OPRPN: variants seen among roughly 807,000 people sequenced by gnomAD.
OPRPN encodes opiorphin prepropeptide.
OPRPN carries 1 observed loss-of-function variant against 2.2 expected under a neutral mutation model. The observed-to-expected ratio is 0.45, with a 90% CI of 0.16 to 2.15. The LOEUF is 2.15. OPRPN is among the 30% of genes most tolerant of loss of function. OPRPN has a pLI of 0.28. For synonymous variants in OPRPN, 126 were observed against 111.5 expected (o/e 1.13, Z -0.82); for missense variants, 306 against 297.3 (o/e 1.03, Z -0.21).
chr4:70,409,251 T>C (rs1733157044), intron 2 of OPRPN, 129 bp from the exon 3 acceptor site: 3 of 683,582 alleles, frequency 4.4e-6, no homozygotes, highest in Admixed American at 7.1e-5. Flanking sequence ...GTGAAATACA[T>C]GACTTATGGC....
intron 2 of OPRPN, among the ~76,000 whole-genome samples, chr4:70,408,351 T>C (rs1733136236): frequency 6.6e-6 from 1 of 152,218 alleles, no homozygotes; most frequent in Admixed American, 6.5e-5. Context: ...TATGATATTA[T>C]CCTAATTTGG....
chr4:70,409,437 C>T lies in OPRPN; in HGVS notation c.109C>T (p.Pro37Ser), dbSNP rs777913317. The change falls in exon 3 of 3, where the codon CCT becomes TCT. Residue 37 changes from proline (P) to serine (S), a missense_variant. Coordinates refer to ENST00000399575, the MANE Select transcript of OPRPN (RefSeq NM_021225.5). ...ATATCTACCTGGCCAGCTGCCACCA[C>T]CTCCACTCTACAGGCCAAGATGGGT... is the stretch of plus-strand genomic sequence containing the variant. ...RPYLPGQLPPPPLYRPRWVPP... is the reference protein window; with the variant it reads ...RPYLPGQLPPSPLYRPRWVPP... The T allele has an allele frequency of 5.6e-6, 9 of 1,614,054 alleles. 1 individual carries two copies. Among genetic ancestry groups the T allele is most frequent in the Non-Finnish European group, 6.8e-6 (8 of 1,179,984 alleles).
intron 2 of OPRPN, among the ~76,000 whole-genome samples, chr4:70,404,510 T>C (rs1302908483): frequency 6.6e-6 from 1 of 152,114 alleles, no homozygotes; most frequent in African/African-American, 2.4e-5. Context: ...CAAAACATCA[T>C]CTAAATCTTA....
chr4:70,399,426 A>ATTTT, intron 2 of OPRPN, 90 bp downstream of exon 2: 1 of 1,102,878 alleles, frequency 9.1e-7, no homozygotes, highest in Non-Finnish European at 1.3e-6. Flanking sequence ...TTTGTCCTGT[A>ATTTT]TATAAAAATA....
intron 2 of OPRPN, among the ~76,000 whole-genome samples, chr4:70,404,766 C>G (rs1261191221): frequency 6.6e-6 from 1 of 152,192 alleles, no homozygotes. Flanking sequence ...CTACAAGACC[C>G]TGCTTTGTCC....
chr4:70,404,504 A>G (rs1301912979), intron 2 of OPRPN, among the ~76,000 whole-genome samples: 2 of 152,132 alleles, frequency 1.3e-5, no homozygotes, highest in Non-Finnish European at 2.9e-5. Context: ...TGCCTTCAAA[A>G]CATCATCTAA....
intron 2 of OPRPN, among the ~76,000 whole-genome samples, chr4:70,402,750 C>G (rs1355606499): frequency 1.3e-5 from 2 of 151,726 alleles, no homozygotes; most frequent in African/African-American, 4.8e-5. Context: ...GATTAAAGAC[C>G]TGAAGTGGGT....
chr4:70,407,356 G>A (rs1577884662), intron 2 of OPRPN, among the ~76,000 whole-genome samples: 1 of 152,236 alleles, frequency 6.6e-6, no homozygotes, highest in African/African-American at 2.4e-5. Context: ...TTATGTTTAT[G>A]TTACAAGAAT....
intron 2 of OPRPN, among the ~76,000 whole-genome samples, chr4:70,405,255 T>G (rs1280106184): frequency 1.3e-5 from 2 of 152,182 alleles, no homozygotes; most frequent in East Asian, 3.8e-4. Context: ...CATTGGCCAG[T>G]GGAGGAGGGA....
chr4:70,409,305 G>T, intron 2 of OPRPN, 75 bp from the exon 3 acceptor site: 1 of 1,146,896 alleles, frequency 8.7e-7, no homozygotes, highest in African/African-American at 1.6e-5. Context: ...TTAATACATA[G>T]TATATCCTAA....
At chr4:70,408,791 A>G (rs1733143795) in intron 2 of OPRPN, among the ~76,000 whole-genome samples, 1 of 152,198 alleles carries the variant, frequency 6.6e-6, no homozygotes, top group East Asian at 1.9e-4. Flanking sequence ...AATTTTAACC[A>G]ACATACTATA....
chr4:70,402,206 C>A (rs1235861322), intron 2 of OPRPN, among the ~76,000 whole-genome samples: 1 of 152,024 alleles, frequency 6.6e-6, no homozygotes, highest in Non-Finnish European at 1.5e-5. Context: ...GAACTGCAGA[C>A]TCTGATCCAG....
rs748377067 is a variant in OPRPN, at chr4:70,409,557, C to G, written c.229C>G (p.Arg77Gly). Residue 77 changes from arginine to glycine, a missense_variant, in exon 3 of 3, where the codon CGA becomes GGA. Transcript: ENST00000399575. ...GCGAGTTCCACCATCTTCTTTCTCT[C>G]GATTTAGCCAAGCAGTCATTCTATC... ...PGRVPPSSFS[R>G]FSQAVILSQL... 1 of 1,613,912 alleles carries G rather than the reference C, an allele frequency of 6.2e-7. No homozygotes were observed. Among genetic ancestry groups the G allele is most frequent in the Middle Eastern group, 1.7e-4 (1 of 6,060 alleles).
At chr4:70,403,180 A>G (rs1395251245) in intron 2 of OPRPN, among the ~76,000 whole-genome samples, 1 of 152,174 alleles carries the variant, frequency 6.6e-6, no homozygotes, top group Non-Finnish European at 1.5e-5. Context: ...CTCTAACTTC[A>G]AGGGGTATAT....
chr4:70,405,554 T>C (rs1733069560), intron 2 of OPRPN, among the ~76,000 whole-genome samples: 1 of 152,194 alleles, frequency 6.6e-6, no homozygotes, highest in Admixed American at 6.5e-5. Flanking sequence ...ATTACTTTCT[T>C]ACTTATTGCT....
At position 70,406,749 on chromosome 4, in the gene OPRPN, A is replaced by G. The variant is rs1733097430; in HGVS notation, c.52-2631A>G. Reference sequence around the variant, plus strand: ...AAAAGATGAGATTGGATGGCGGTATAGGCTTTTGTTTGGTTGCAAAGAACA... The same window carrying G: ...AAAAGATGAGATTGGATGGCGGTATGGGCTTTTGTTTGGTTGCAAAGAACA... On this transcript the variant is annotated intron_variant, in intron 2 of 2. Coordinates refer to ENST00000399575, the MANE Select transcript of OPRPN (RefSeq NM_021225.5). Among the ~76,000 whole-genome samples the G allele has an allele frequency of 1.3e-5, 2 of 152,136 alleles. 1 individual carries two copies. Among genetic ancestry groups the G allele is most frequent in the South Asian group, 4.1e-4 (2 of 4,824 alleles).
At chr4:70,402,932 T>G (rs574120864) in intron 2 of OPRPN, among the ~76,000 whole-genome samples, 1 of 152,074 alleles carries the variant, frequency 6.6e-6, no homozygotes, top group Non-Finnish European at 1.5e-5. Flanking sequence ...CTGCATCAGG[T>G]CTCATGGGCT....
chr4:70,406,042 TGG>T (rs1211318068), intron 2 of OPRPN, among the ~76,000 whole-genome samples: 1 of 151,574 alleles, frequency 6.6e-6, no homozygotes, highest in Non-Finnish European at 1.5e-5. Context: ...CACGCCAGCC[TGG>T]GTAGCAGAGC....
intron 2 of OPRPN, among the ~76,000 whole-genome samples, chr4:70,407,984 G>T (rs1437748675): frequency 2.0e-5 from 3 of 152,066 alleles, no homozygotes; most frequent in Non-Finnish European, 1.5e-5. Flanking sequence ...GTAGAAGTGA[G>T]GTATAGATGC....
Sources: allele counts gnomAD v4.1 joint callset (sites outside exome capture counted in the v4.1 genomes callset), GRCh38; gene constraint gnomAD v4.1.1; transcripts MANE v1.5; gene names NCBI Gene and HGNC (gene_info 2026-07-23, HGNC 2026-07-21).